Variants in LRMDA observed in about 807,000 individuals in gnomAD.
LRMDA encodes the protein leucine-rich melanocyte differentiation-associated protein.
In LRMDA, 18 loss-of-function variants were observed where a neutral mutation model predicts 29.8. The observed-to-expected ratio is 0.60, with a 90% CI of 0.42 to 0.90. LRMDA has a LOEUF of 0.90. Ranked by LOEUF, LRMDA falls within the 40% of genes least tolerant of loss-of-function variation. The pLI is 0.00. For missense variants in LRMDA, 273 were observed against 273.9 expected (o/e 1.00, Z 0.02); for synonymous variants, 125 against 109.4 (o/e 1.14, Z -0.89).
At chr10:75,509,205 G>T (rs547082067) in intron 2 of LRMDA, among the ~76,000 whole-genome samples, 1 of 152,230 alleles carries the variant, frequency 6.6e-6, no homozygotes, top group South Asian at 2.1e-4. Flanking sequence ...CTCCTACCCC[G>T]TTCGTGGTGC....
chr10:76,058,707 A>T lies in LRMDA; in HGVS notation c.440A>T (p.Asp147Val), dbSNP rs143720200. 1.2e-5 allele frequency: 19 copies of T among 1,614,024 alleles called. No individual in the cohort carries two copies. The Admixed American group carries it at 2.8e-4, about 24-fold the overall frequency. The change falls in exon 5 of 7, where the codon GAT becomes GTT. Residue 147 changes from aspartate (D) to valine (V), a missense_variant. By Grantham distance (152) the Asp-to-Val change is radical. Coordinates refer to ENST00000611255, the MANE Select transcript of LRMDA (RefSeq NM_001305581.2). ...AAGCTGCCCAACTTGAAATTTCTGG[A>T]TGCCCAGAAAGTAACCAGACAAGAA... Reference protein sequence around the residue: ...LYKLPNLKFLDAQKVTRQERE... With the variant: ...LYKLPNLKFLVAQKVTRQERE...
At chr10:75,526,519 G>C (rs370196061) in intron 2 of LRMDA, among the ~76,000 whole-genome samples, 47 of 152,122 alleles carry the variant, frequency 3.1e-4, no homozygotes, top group South Asian at 1.0e-3. Flanking sequence ...TTACAAGAAT[G>C]GAGGCAGTGA....
intron 5 of LRMDA, among the ~76,000 whole-genome samples, chr10:76,202,191 G>A (rs1008590284): frequency 6.6e-6 from 1 of 152,126 alleles, no homozygotes; most frequent in Non-Finnish European, 1.5e-5. Context: ...GGATTGTTTT[G>A]GCGAGAAATC....
chr10:76,518,239 TCTACCTAC>T (rs536486873), intron 6 of LRMDA, among the ~76,000 whole-genome samples: 2 of 151,798 alleles, frequency 1.3e-5, no homozygotes, highest in African/African-American at 2.4e-5. Context: ...TATCTGTCTA[TCTACCTAC>T]CTACCTACCT....
intron 2 of LRMDA, among the ~76,000 whole-genome samples, chr10:75,956,686 G>A (rs561724128): frequency 1.3e-5 from 2 of 152,168 alleles, no homozygotes; most frequent in Non-Finnish European, 2.9e-5. Context: ...GGTCATTCTT[G>A]TCTTTGTGGC....
chr10:76,166,259 C>A (rs995136245), intron 5 of LRMDA, among the ~76,000 whole-genome samples: 4 of 152,180 alleles, frequency 2.6e-5, no homozygotes, highest in African/African-American at 9.7e-5. Flanking sequence ...TGGACATTTT[C>A]CCAAACCTGC....
intron 6 of LRMDA, among the ~76,000 whole-genome samples, chr10:76,397,090 T>G (rs1258877772): frequency 6.6e-6 from 1 of 152,174 alleles, no homozygotes; most frequent in Non-Finnish European, 1.5e-5. Flanking sequence ...CTTTTCGGTG[T>G]GTGAGCAAAA....
chr10:75,517,124 C>T (rs1196195958), intron 2 of LRMDA, among the ~76,000 whole-genome samples: 1 of 152,072 alleles, frequency 6.6e-6, no homozygotes, highest in Admixed American at 6.5e-5. Context: ...AGTTTGAAGT[C>T]AGGTAGCATG....
At chr10:75,899,604 C>T (rs192022822) in intron 2 of LRMDA, among the ~76,000 whole-genome samples, 1 of 152,332 alleles carries the variant, frequency 6.6e-6, no homozygotes, top group African/African-American at 2.4e-5. Context: ...TAAGGGCATC[C>T]ATTCAGCTAA....
rs188427921 is a variant in LRMDA, at chr10:76,340,881, A to C, written c.601+16396A>C. 5.9e-5 allele frequency among the ~76,000 whole-genome samples: 9 copies of C among 152,326 alleles called. No individual in the cohort carries two copies. In the East Asian group the frequency reaches 1.5e-3, roughly 26 times the overall value. ...CTTTTTCTGTTAAGGAGCAGATAAT[A>C]AGTATTTTAGGGATTGTAGGCCAGA... On this transcript the variant is annotated intron_variant, in intron 6 of 6. Transcript: ENST00000611255.
intron 2 of LRMDA, among the ~76,000 whole-genome samples, chr10:75,947,824 C>T (rs1176313803): frequency 6.6e-6 from 1 of 152,130 alleles, no homozygotes; most frequent in Admixed American, 6.5e-5. Flanking sequence ...CACTTTGCAC[C>T]AATTCATAGA....
intron 2 of LRMDA, among the ~76,000 whole-genome samples, chr10:75,496,484 AAAAACTTG>A (rs1263473140): frequency 6.6e-6 from 1 of 152,224 alleles, no homozygotes; most frequent in East Asian, 1.9e-4. Context: ...TTTTATGTTC[AAAAACTTG>A]AAAACTTGAG....
chr10:76,273,513 C>T (rs533702321), intron 5 of LRMDA, among the ~76,000 whole-genome samples: 2 of 152,256 alleles, frequency 1.3e-5, no homozygotes, highest in Admixed American at 6.5e-5. Flanking sequence ...GATATCTAAT[C>T]TGTTCATTGC....
chr10:76,041,717 T>G (rs1848343287), intron 3 of LRMDA, among the ~76,000 whole-genome samples: 1 of 152,104 alleles, frequency 6.6e-6, no homozygotes, highest in Non-Finnish European at 1.5e-5. Context: ...GCTTTGATCT[T>G]GGGCCCTCTG....
intron 2 of LRMDA, among the ~76,000 whole-genome samples, chr10:75,872,104 G>GT (rs1589235956): frequency 6.6e-6 from 1 of 152,194 alleles, no homozygotes; most frequent in East Asian, 1.9e-4. Flanking sequence ...TCTACTTTAT[G>GT]TTTTTTTACG....
At chr10:75,474,489 T>C (rs1347476571) in intron 2 of LRMDA, among the ~76,000 whole-genome samples, 1 of 152,208 alleles carries the variant, frequency 6.6e-6, no homozygotes, top group South Asian at 2.1e-4. Flanking sequence ...TCTGCCCCTA[T>C]GACCTCATCA....
intron 2 of LRMDA, among the ~76,000 whole-genome samples, chr10:75,504,832 G>A (rs1232171745): frequency 6.6e-6 from 1 of 152,158 alleles, no homozygotes; most frequent in East Asian, 1.9e-4. Flanking sequence ...CCTAAGAACA[G>A]TGGGAAACAT....
intron 2 of LRMDA, among the ~76,000 whole-genome samples, chr10:75,686,318 C>G (rs189167033): frequency 6.6e-6 from 1 of 152,290 alleles, no homozygotes; most frequent in Admixed American, 6.5e-5. Flanking sequence ...GCATTCTTTG[C>G]CTGGCCTTCT....
chr10:75,669,976 G>C (rs1030973515), intron 2 of LRMDA, among the ~76,000 whole-genome samples: 1 of 152,138 alleles, frequency 6.6e-6, no homozygotes, highest in East Asian at 1.9e-4. Flanking sequence ...ACATAAAATA[G>C]AGCCAAAATT....
Sources: allele counts gnomAD v4.1 joint callset (sites outside exome capture counted in the v4.1 genomes callset), GRCh38; gene constraint gnomAD v4.1.1; transcripts MANE v1.5; gene names NCBI Gene and HGNC (gene_info 2026-07-23, HGNC 2026-07-21).